The following GCC2 variants were observed in gnomAD, a reference collection of about 807,000 sequenced individuals.
GCC2 encodes GRIP and coiled-coil domain containing 2, also known as GRIP and coiled-coil domain-containing protein 2.
In GCC2, 120 loss-of-function variants were observed where a neutral mutation model predicts 210.6. The observed-to-expected ratio is 0.57, with a 90% CI of 0.49 to 0.66. GCC2 has a LOEUF of 0.66. GCC2 is among the 30% of genes least tolerant of loss of function. The probability of loss-of-function intolerance (pLI) is 0.00; values close to 1 mark genes in which losing one functional copy is unlikely to be tolerated. For synonymous variants in GCC2, 703 were observed against 652.7 expected, an observed-to-expected ratio of 1.08 and a Z score of -1.17; for missense variants, 1,868 against 1,871.9, an observed-to-expected ratio of 1.00 and a Z score of 0.04.
intron 15 of GCC2, 21 bp downstream of exon 15, chr2:108,485,929 G>A (rs1265904260): frequency 2.2e-6 from 3 of 1,354,716 alleles, no homozygotes; most frequent in African/African-American, 3.0e-5. Flanking sequence ...TACTTTTTAA[G>A]ATTAAAAAAA....
intron 4 of GCC2, among the ~76,000 whole-genome samples, chr2:108,462,897 AT>A (rs70956258): frequency 0.99 from 148,470 of 149,466 alleles, 73,746 homozygotes; most frequent in Middle Eastern, 1. Flanking sequence ...TTTTACCCTT[AT>A]TTTTTTTTTT....
At chr2:108,464,355 G>A (rs1039255817) in intron 4 of GCC2, among the ~76,000 whole-genome samples, 4 of 152,174 alleles carry the variant, frequency 2.6e-5, no homozygotes, top group African/African-American at 9.7e-5. Flanking sequence ...TGCCACCTCA[G>A]CCCAGGTTGC....
intron 22 of GCC2, among the ~76,000 whole-genome samples, chr2:108,505,380 A>T (rs529973963): frequency 6.6e-6 from 1 of 152,340 alleles, no homozygotes; most frequent in South Asian, 2.1e-4. Flanking sequence ...TGTGGAAGAC[A>T]GACTTCTCAG....
At chr2:108,459,745 C>CTTTTTTTTTTTTTTTTTTTTGTTTT (rs1680457470) in intron 4 of GCC2, among the ~76,000 whole-genome samples, 1 of 26,764 alleles carries the variant, frequency 3.7e-5, no homozygotes, top group Non-Finnish European at 6.7e-5. Context: ...CCTTCTTTGT[C>CTTTTTTTTTTTTTTTTTTTTGTTTT]TTTTTTTTTT....
At position 108,470,938 on chromosome 2, in the gene GCC2, G is replaced by A; in HGVS notation, c.1609G>A (p.Val537Met). ...TGAAAAAGATGCCCTTCTCGAAACT[G>A]TGAATCGCCTCCAGGGAGAAAATGA... ...FTEKDALLET[V>M]NRLQGENEKL... Residue 537 changes from valine to methionine, a missense_variant, in exon 6 of 23, where the codon GTG becomes ATG. Val to Met is a conservative substitution (Grantham distance 21). Transcript: ENST00000309863. The A allele has an allele frequency of 6.2e-7, 1 of 1,613,220 alleles. No individual in the cohort carries two copies. Among genetic ancestry groups the A allele is most frequent in the South Asian group, 1.1e-5 (1 of 91,050 alleles).
chr2:108,493,597 C>G (rs1479385166), intron 19 of GCC2: 1 of 985,266 alleles, frequency 1.0e-6, no homozygotes, highest in Non-Finnish European at 1.2e-6. Flanking sequence ...TCAGCCACAC[C>G]CAGTATCTTC....
Position 108,470,488 on chromosome 2 carries a change from A to G in GCC2, c.1159A>G (p.Ile387Val). ...TGAACGGGAAGACTTAGAGTTTAAA[A>G]TTAATGAATTATTACTAGCTAAAGA... ...FHEREDLEFK[I>V]NELLLAKEEQ... The change falls in exon 6 of 23, where the codon ATT becomes GTT. Residue 387 changes from isoleucine (I) to valine (V), a missense_variant. By Grantham distance (29) the Ile-to-Val change is conservative (BLOSUM62 3). Around this residue, in one of 3 missense-constraint regions of GCC2, gnomAD observed 1,847 missense variants for 1,765.2 expected, o/e 1.05. Transcript: ENST00000309863. 1 of 1,609,694 alleles carries G rather than the reference A, an allele frequency of 6.2e-7. No homozygotes were observed. The highest frequency in any genetic ancestry group is 8.5e-7 in the Non-Finnish European group (1 of 1,176,954).
At chr2:108,454,182 G>C (rs1680116326) in intron 4 of GCC2, among the ~76,000 whole-genome samples, 1 of 152,142 alleles carries the variant, frequency 6.6e-6, no homozygotes. Flanking sequence ...AGTAGAAACA[G>C]GGTTTCACCA....
rs765755225 is a variant in GCC2, at chr2:108,484,174, A to C, written c.3476A>C (p.Asn1159Thr). 1 of 1,587,404 alleles carries C rather than the reference A, an allele frequency of 6.3e-7. No individual in the cohort carries two copies. Among genetic ancestry groups the C allele is most frequent in the Non-Finnish European group, 8.5e-7 (1 of 1,171,458 alleles). ...GATGCCCAACAAACCACATTGATGA[A>C]TATGGAAATAGCTGATTATGAACGT... ...KKDAQQTTLM[N>T]MEIADYERLM... Residue 1159 changes from asparagine to threonine, a missense_variant, in exon 13 of 23, where the codon AAT (asparagine) becomes ACT (threonine). By Grantham distance (65) the Asn-to-Thr change is moderately conservative (BLOSUM62 0). This residue lies in a region of GCC2 where 1,847 missense variants were observed against 1,765.2 expected (regional missense o/e 1.05). Transcript: ENST00000309863.
chr2:108,484,358 C>T, intron 13 of GCC2, 47 bp downstream of exon 13: 1 of 1,127,372 alleles, frequency 8.9e-7, no homozygotes, highest in Non-Finnish European at 1.2e-6. Flanking sequence ...TTCATCATAA[C>T]AACTTGATTT....
intron 22 of GCC2, among the ~76,000 whole-genome samples, chr2:108,504,998 G>A (rs1214653819): frequency 2.6e-5 from 4 of 152,152 alleles, no homozygotes; most frequent in Non-Finnish European, 5.9e-5. Context: ...ATTTGCTGAG[G>A]ATATAGAACC....
chr2:108,494,541 T>C (rs961789097), intron 19 of GCC2: 5 of 152,212 alleles, frequency 3.3e-5, no homozygotes, highest in Admixed American at 6.5e-5. Flanking sequence ...AGGGCAGTGA[T>C]TGAGGATGTC....
At chr2:108,464,458 G>C (rs7601939) in intron 4 of GCC2, among the ~76,000 whole-genome samples, 8 of 152,070 alleles carry the variant, frequency 5.3e-5, no homozygotes, top group Non-Finnish European at 7.4e-5. Context: ...TGAGCTCTCT[G>C]GAGCAATGCC....
rs749721042 is a variant in GCC2, at chr2:108,470,105, T to C, written c.776T>C (p.Ile259Thr). 6.2e-6 allele frequency: 10 copies of C among 1,613,384 alleles called. No homozygotes were observed. In the South Asian group the frequency reaches 8.8e-5, roughly 14 times the overall value. The part of the protein sequence containing the change: ...QEEVKELMCQ[I>T]EASAKEHEAE... ...GAGGTGAAAGAGTTGATGTGCCAGA[T>C]TGAAGCATCAGCTAAGGAACATGAA... The change falls in exon 6 of 23, where the codon ATT becomes ACT. Residue 259 changes from isoleucine to threonine, a missense_variant. This residue lies in a region of GCC2 where 1,847 missense variants were observed against 1,765.2 expected (regional missense o/e 1.05). Coordinates refer to ENST00000309863, the MANE Select transcript of GCC2 (RefSeq NM_181453.4).
At chr2:108,487,963 G>A (rs1682231896) in intron 17 of GCC2, 143 bp downstream of exon 17, 1 of 783,586 alleles carries the variant, frequency 1.3e-6, no homozygotes, top group African/African-American at 1.8e-5. Context: ...CTGGAGTGCA[G>A]TGGTGCAATC....
chr2:108,481,956 G>T, intron 10 of GCC2, 140 bp downstream of exon 10: 1 of 616,290 alleles, frequency 1.6e-6, no homozygotes, highest in East Asian at 2.9e-5. Context: ...CCACTTAGGA[G>T]AGAAGAATAA....
intron 17 of GCC2, among the ~76,000 whole-genome samples, chr2:108,488,302 G>A (rs1426456249): frequency 6.6e-6 from 1 of 152,096 alleles, no homozygotes; most frequent in Middle Eastern, 3.2e-3. Context: ...GACAGTAACA[G>A]GGAAACTTCA....
At chr2:108,473,474 A>G (rs554319508) in intron 7 of GCC2, 1 of 152,448 alleles carries the variant, frequency 6.6e-6, no homozygotes, top group African/African-American at 2.4e-5. Flanking sequence ...GTTCCTGGAG[A>G]GGTAGGAGCC....
chr2:108,475,998 G>A (rs915708875), intron 9 of GCC2, 148 bp downstream of exon 9: 45 of 353,440 alleles, frequency 1.3e-4, no homozygotes, highest in Non-Finnish European at 2.1e-4. Context: ...GGGGTGCAAT[G>A]TAATAGAATC....
Sources: gnomAD v4.1 joint callset for allele counts (sites outside exome capture counted in the v4.1 genomes callset) on GRCh38, gnomAD v4.1.1 for gene constraint, gnomAD v4.1.1 regional missense constraint, MANE v1.5 for transcripts, NCBI Gene and HGNC (gene_info 2026-07-23, HGNC 2026-07-21) for gene names.